Variants in VIT observed in about 807,000 individuals in gnomAD.
VIT encodes the protein vitrin.
VIT carries 99 observed loss-of-function variants against 78.0 expected under a neutral mutation model. That is an observed-to-expected ratio of 1.27 (90% CI 1.08 to 1.50). The LOEUF (loss-of-function observed/expected upper bound fraction) is 1.50. VIT is among the 40% of genes most tolerant of loss of function. VIT has a pLI of 0.00. For synonymous variants in VIT, 374 were observed against 334.3 expected, an observed-to-expected ratio of 1.12 and a Z score of -1.29; for missense variants, 1,126 against 875.3, an observed-to-expected ratio of 1.29 and a Z score of -3.61.
chr2:36,726,616 G>C (rs756392139), intron 2 of VIT, among the ~76,000 whole-genome samples: 1 of 152,048 alleles, frequency 6.6e-6, no homozygotes. Context: ...TCAGGAGTTC[G>C]AGACTAGCCT....
chr2:36,702,878 G>T lies in VIT; in HGVS notation c.-19+5905G>T, dbSNP rs1293960752. On this transcript the variant is annotated intron_variant, in intron 1 of 15. Coordinates refer to ENST00000379242, the MANE Select transcript of VIT (RefSeq NM_053276.4). Reference sequence around the variant, plus strand: ...TTTTGAAATAAATCCGTTCTGTCTGGGGGTTTACAGTTCCTCCCTCAGCCC... The same window carrying T: ...TTTTGAAATAAATCCGTTCTGTCTGTGGGTTTACAGTTCCTCCCTCAGCCC... 2.0e-5 allele frequency among the ~76,000 whole-genome samples: 3 copies of T among 152,246 alleles called. No homozygotes were observed. The East Asian group carries it at 5.8e-4, about 29-fold the overall frequency.
chr2:36,740,406 A>C (rs1667765997), intron 3 of VIT, among the ~76,000 whole-genome samples: 1 of 152,224 alleles, frequency 6.6e-6, no homozygotes, highest in Admixed American at 6.5e-5. Flanking sequence ...GAAAGATGCA[A>C]ATGCCTGCTT....
chr2:36,716,919 C>G (rs1175538104), intron 2 of VIT, among the ~76,000 whole-genome samples: 2 of 135,032 alleles, frequency 1.5e-5, no homozygotes, highest in Non-Finnish European at 3.1e-5. Flanking sequence ...CTCTCTTGCC[C>G]AGGCTGGAAT....
intron 9 of VIT, among the ~76,000 whole-genome samples, chr2:36,776,802 A>G (rs547730381): frequency 3.6e-4 from 55 of 151,292 alleles, no homozygotes; most frequent in African/African-American, 1.3e-3. Flanking sequence ...CTCAAAAAAA[A>G]TAAAATGGCC....
intron 2 of VIT, among the ~76,000 whole-genome samples, 197 bp downstream of exon 2, chr2:36,716,619 T>C (rs1287004139): frequency 6.6e-6 from 1 of 152,170 alleles, no homozygotes; most frequent in East Asian, 1.9e-4. Flanking sequence ...GTGTATGTGT[T>C]TTTATGTAAA....
At chr2:36,722,123 T>A (rs1011779824) in intron 2 of VIT, among the ~76,000 whole-genome samples, 2 of 152,238 alleles carry the variant, frequency 1.3e-5, no homozygotes, top group Non-Finnish European at 2.9e-5. Context: ...AAGTGTTTAA[T>A]GTGTTTAATT....
Position 36,773,799 on chromosome 2 carries a change from TC to T in VIT, c.690del (p.Thr231LeufsTer50). ...GTCAAATGTCCTTACAGATCTCTGG[TC>T]CACTGCCACCTACACAAGCAGCCAA... ...GHRSQEMDLW[S>X]TATYTSSQNR... On this transcript the variant is annotated frameshift_variant, in exon 8 of 16. Coordinates refer to ENST00000379242, the MANE Select transcript of VIT (RefSeq NM_053276.4). LOFTEE classifies it high-confidence loss of function. 11 of 1,600,608 alleles carry T rather than the reference TC, an allele frequency of 6.9e-6. No individual in the cohort carries two copies. The highest frequency in any genetic ancestry group is 9.4e-6 in the Non-Finnish European group (11 of 1,172,042).
At chr2:36,705,476 A>C (rs898382002) in intron 1 of VIT, among the ~76,000 whole-genome samples, 4 of 152,202 alleles carry the variant, frequency 2.6e-5, no homozygotes, top group African/African-American at 9.6e-5. Flanking sequence ...CACAGTACAA[A>C]ATAACCGTCT....
intron 12 of VIT, among the ~76,000 whole-genome samples, chr2:36,797,986 A>G (rs2276668): frequency 6.6e-6 from 1 of 152,038 alleles, no homozygotes; most frequent in Admixed American, 6.6e-5. Context: ...GGGGCTTTCC[A>G]GATGAGGGAA....
At chr2:36,777,036 C>T in intron 9 of VIT, among the ~76,000 whole-genome samples, 1 of 147,028 alleles carries the variant, frequency 6.8e-6, no homozygotes, top group Admixed American at 7.1e-5. Flanking sequence ...TTGCAGTGAG[C>T]CGAGATCACG....
chr2:36,732,240 T>C (rs1449948033), intron 3 of VIT, among the ~76,000 whole-genome samples: 1 of 152,206 alleles, frequency 6.6e-6, no homozygotes, highest in Admixed American at 6.5e-5. Context: ...ACTATGAAAG[T>C]CTGTGCTAAA....
intron 14 of VIT, 27 bp from the exon 15 acceptor site, chr2:36,808,445 C>T (rs1179249400): frequency 2.0e-5 from 31 of 1,576,096 alleles, no homozygotes; most frequent in Admixed American, 5.2e-5. Context: ...CCTGACGTGG[C>T]GTGGGTCCCT....
chr2:36,704,971 G>A (rs570940992), intron 1 of VIT, among the ~76,000 whole-genome samples: 1 of 152,330 alleles, frequency 6.6e-6, no homozygotes, highest in South Asian at 2.1e-4. Flanking sequence ...AGGGATCATA[G>A]TTGAGCAGAA....
intron 6 of VIT, among the ~76,000 whole-genome samples, chr2:36,762,681 G>T (rs1279331429): frequency 2.0e-5 from 3 of 152,076 alleles, no homozygotes; most frequent in African/African-American, 7.2e-5. Flanking sequence ...AGAGATGAAG[G>T]CTGAGCAGCT....
At chr2:36,758,144 T>C (rs920479949) in intron 5 of VIT, among the ~76,000 whole-genome samples, 6 of 152,252 alleles carry the variant, frequency 3.9e-5, no homozygotes, top group African/African-American at 1.4e-4. Flanking sequence ...TACCAAGGTA[T>C]TTTAATTTTA....
intron 1 of VIT, among the ~76,000 whole-genome samples, chr2:36,699,518 A>G (rs74676556): frequency 1.2e-5 from 1 of 81,768 alleles, no homozygotes; most frequent in East Asian, 6.2e-4. Context: ...AGAGGGGGTT[A>G]TATATATATA....
At chr2:36,725,085 C>T (rs1168610163) in intron 2 of VIT, among the ~76,000 whole-genome samples, 1 of 152,160 alleles carries the variant, frequency 6.6e-6, no homozygotes, top group Admixed American at 6.5e-5. Flanking sequence ...GTAAATACAC[C>T]TAAAAAATGT....
At chr2:36,796,448 G>T (rs540078241) in intron 12 of VIT, among the ~76,000 whole-genome samples, 5 of 152,110 alleles carry the variant, frequency 3.3e-5, no homozygotes, top group African/African-American at 9.7e-5. Flanking sequence ...TTTATAGAAC[G>T]TAACTGCCAA....
At chr2:36,720,881 G>T (rs1438526230) in intron 2 of VIT, among the ~76,000 whole-genome samples, 1 of 152,074 alleles carries the variant, frequency 6.6e-6, no homozygotes, top group Non-Finnish European at 1.5e-5. Flanking sequence ...ATGGTAGCGG[G>T]CACCTGTAAT....
Sources: allele counts gnomAD v4.1 joint callset (sites outside exome capture counted in the v4.1 genomes callset), GRCh38; gene constraint gnomAD v4.1.1; transcripts MANE v1.5; gene names NCBI Gene and HGNC (gene_info 2026-07-23, HGNC 2026-07-21).